GRID1: variants seen among roughly 807,000 people sequenced by gnomAD.
GRID1 encodes the protein glutamate receptor ionotropic, delta-1.
Under a neutral mutation model 98.0 loss-of-function variants are expected in GRID1, and 28 were observed. The observed-to-expected ratio is 0.29, with a 90% confidence interval of 0.21 to 0.39. GRID1 has a LOEUF of 0.39. Among genes scored for constraint, GRID1 ranks in the 10% least tolerant of loss-of-function variants. The pLI is 1.00. For missense variants in GRID1, 1,111 were observed against 1,340.5 expected (o/e 0.83, Z 2.67); for synonymous variants, 553 against 538.5 (o/e 1.03, Z -0.37).
intron 8 of GRID1, among the ~76,000 whole-genome samples, chr10:85,853,857 A>G (rs1408423735): frequency 6.6e-6 from 1 of 152,186 alleles, no homozygotes; most frequent in Admixed American, 6.6e-5. Context: ...TCCACTATCC[A>G]CAGTCCTGAA....
At chr10:86,179,699 C>T (rs1001493426) in intron 3 of GRID1, among the ~76,000 whole-genome samples, 2 of 152,178 alleles carry the variant, frequency 1.3e-5, no homozygotes, top group African/African-American at 2.4e-5. Context: ...GCCAATCAAT[C>T]ACAATGACTC....
intron 4 of GRID1, among the ~76,000 whole-genome samples, chr10:86,031,356 G>T (rs1238249496): frequency 1.3e-5 from 2 of 151,976 alleles, no homozygotes; most frequent in East Asian, 3.9e-4. Flanking sequence ...GGAACTAAAT[G>T]TTGAGTACAC....
intron 8 of GRID1, among the ~76,000 whole-genome samples, chr10:85,828,627 A>T (rs927177643): frequency 3.3e-5 from 5 of 152,014 alleles, no homozygotes; most frequent in African/African-American, 1.2e-4. Flanking sequence ...TACTGAACTG[A>T]AATGCAAAAA....
At chr10:85,739,411 C>A (rs1232561558) in intron 8 of GRID1, among the ~76,000 whole-genome samples, 2 of 152,016 alleles carry the variant, frequency 1.3e-5, no homozygotes, top group Non-Finnish European at 2.9e-5. Context: ...AAGACTCCAT[C>A]TCTAAAAATA....
At chr10:85,617,001 C>T (rs983249435) in intron 14 of GRID1, among the ~76,000 whole-genome samples, 1 of 152,204 alleles carries the variant, frequency 6.6e-6, no homozygotes, top group Admixed American at 6.5e-5. Flanking sequence ...CATCTACATC[C>T]TGTCCTCTGC....
intron 12 of GRID1, among the ~76,000 whole-genome samples, chr10:85,661,035 G>A (rs901791292): frequency 1.2e-4 from 18 of 152,134 alleles, no homozygotes; most frequent in East Asian, 1.9e-4. Flanking sequence ...GTTAGCTATC[G>A]TTATGAGCTT....
At chr10:86,098,454 ATTG>A (rs1844251823) in intron 4 of GRID1, among the ~76,000 whole-genome samples, 1 of 152,150 alleles carries the variant, frequency 6.6e-6, no homozygotes. Flanking sequence ...CACCCCTAAC[ATTG>A]GCTCCTTAGA....
At chr10:85,875,980 A>G (rs970445584) in intron 5 of GRID1, among the ~76,000 whole-genome samples, 7 of 152,138 alleles carry the variant, frequency 4.6e-5, no homozygotes, top group Admixed American at 6.6e-5. Flanking sequence ...TTGGTGATAA[A>G]CTCAGTTTTT....
intron 3 of GRID1, among the ~76,000 whole-genome samples, chr10:86,194,249 A>G (rs1234339049): frequency 1.3e-5 from 2 of 152,126 alleles, no homozygotes; most frequent in African/African-American, 4.8e-5. Context: ...ACGGCTGCGC[A>G]CTACAGCCCT....
At chr10:85,626,460 T>C (rs1842913601) in intron 13 of GRID1, among the ~76,000 whole-genome samples, 1 of 152,186 alleles carries the variant, frequency 6.6e-6, no homozygotes, top group African/African-American at 2.4e-5. Flanking sequence ...AATGCCTGTC[T>C]TTCCCTAGCT....
rs534185530 is a variant in GRID1 at position 85,684,373 on chromosome 10, A to G, written c.1998-36976T>C. Among the ~76,000 whole-genome samples, 5 of 152,350 alleles carry G rather than the reference A, an allele frequency of 3.3e-5. No individual in the cohort carries two copies. In the South Asian group the frequency reaches 1.0e-3, roughly 32 times the overall value. ...AGATAAAAACCCTAAACAAAATATT[A>G]AGAAAATTAATATAGCAATTGTAAC... is the stretch of plus-strand genomic sequence containing the variant. On this transcript the variant is annotated intron_variant, in intron 12 of 15. Coordinates refer to ENST00000327946, the MANE Select transcript of GRID1 (RefSeq NM_017551.3).
At chr10:86,084,538 T>C (rs1423506489) in intron 4 of GRID1, among the ~76,000 whole-genome samples, 4 of 152,116 alleles carry the variant, frequency 2.6e-5, no homozygotes, top group Non-Finnish European at 5.9e-5. Flanking sequence ...ACTGAACATA[T>C]ACCCAAAATA....
intron 2 of GRID1, among the ~76,000 whole-genome samples, chr10:86,330,861 G>A (rs1848130789): frequency 1.3e-5 from 2 of 152,240 alleles, no homozygotes; most frequent in Admixed American, 6.5e-5. Flanking sequence ...GGCAGGTGAT[G>A]GCTCATCTCA....
At chr10:85,877,995 C>A (rs950997313) in intron 5 of GRID1, among the ~76,000 whole-genome samples, 2 of 152,136 alleles carry the variant, frequency 1.3e-5, no homozygotes, top group African/African-American at 2.4e-5. Flanking sequence ...GGAGCCGATG[C>A]AATCGACTGG....
intron 4 of GRID1, among the ~76,000 whole-genome samples, chr10:86,084,179 G>T (rs1300593196): frequency 6.6e-6 from 1 of 152,138 alleles, no homozygotes; most frequent in Non-Finnish European, 1.5e-5. Flanking sequence ...GAAGCCTAGG[G>T]CACTGAAGGA....
intron 4 of GRID1, among the ~76,000 whole-genome samples, chr10:86,102,021 G>C (rs1844303994): frequency 6.6e-6 from 1 of 152,168 alleles, no homozygotes; most frequent in Non-Finnish European, 1.5e-5. Context: ...GAGCAAACCA[G>C]GATGATTCTG....
At position 86,008,587 on chromosome 10, in the gene GRID1, CAA is replaced by C. The variant is rs545987321; in HGVS notation, c.727-92350_727-92349del. 1.5e-3 allele frequency among the ~76,000 whole-genome samples: 234 copies of C among 152,130 alleles called. 2 individuals carry two copies. The highest frequency in any genetic ancestry group is 5.4e-3 in the African/African-American group (223 of 41,518). On this transcript the variant is annotated intron_variant, in intron 4 of 15. Transcript: ENST00000327946. ...ATCTTCTACCCAACAGAAAAATGAG[CAA>C]AGACACAAATGGTCTTCTCACAGAA...
chr10:85,671,537 G>A (rs576230706), intron 12 of GRID1, among the ~76,000 whole-genome samples: 37 of 151,852 alleles, frequency 2.4e-4, no homozygotes, highest in Middle Eastern at 3.4e-3. Flanking sequence ...CTGACCAGCC[G>A]TTCCCTCATC....
chr10:85,938,580 A>C (rs536368606), intron 4 of GRID1, among the ~76,000 whole-genome samples: 2 of 152,216 alleles, frequency 1.3e-5, no homozygotes, highest in Non-Finnish European at 2.9e-5. Context: ...CCTCAGAGAC[A>C]TCATAAAATG....
Sources: gnomAD v4.1 joint callset for allele counts (sites outside exome capture counted in the v4.1 genomes callset) on GRCh38, gnomAD v4.1.1 for gene constraint, MANE v1.5 for transcripts, NCBI Gene and HGNC (gene_info 2026-07-23, HGNC 2026-07-21) for gene names.